The following TXNDC16 variants were observed in gnomAD, a reference collection of about 807,000 sequenced individuals.
TXNDC16 encodes the protein thioredoxin domain containing 16.
Under a neutral mutation model 85.6 loss-of-function variants are expected in TXNDC16, and 74 were observed. The observed-to-expected ratio is 0.86, with a 90% CI of 0.72 to 1.05. The LOEUF (loss-of-function observed/expected upper bound fraction) is 1.05, where lower values mean the gene tolerates loss of function less well. Among genes scored for constraint, TXNDC16 ranks in the 50% least tolerant of loss-of-function variants. The pLI is 0.00. For missense variants in TXNDC16, 959 were observed against 947.0 expected, an observed-to-expected ratio of 1.01 and a Z score of -0.17; for synonymous variants, 335 against 326.5, an observed-to-expected ratio of 1.03 and a Z score of -0.28.
At chr14:52,496,146 C>T (rs937926375) in intron 9 of TXNDC16, among the ~76,000 whole-genome samples, 20 of 148,154 alleles carry the variant, frequency 1.3e-4, no homozygotes, top group Admixed American at 2.7e-4. Flanking sequence ...GGTGACAGCA[C>T]GAGACTCCAT....
intron 17 of TXNDC16, 44 bp from the exon 18 acceptor site, chr14:52,455,506 A>G: frequency 6.2e-7 from 1 of 1,608,848 alleles, no homozygotes. Flanking sequence ...AAAATCTAGC[A>G]TGTCAAAAAC....
chr14:52,513,334 T>C (rs1010256234), intron 8 of TXNDC16, among the ~76,000 whole-genome samples: 1 of 152,146 alleles, frequency 6.6e-6, no homozygotes, highest in African/African-American at 2.4e-5. Context: ...AAGAATGTAT[T>C]CACCTCACTC....
At chr14:52,545,885 T>TG (rs2037931072) in intron 1 of TXNDC16, among the ~76,000 whole-genome samples, 1 of 151,738 alleles carries the variant, frequency 6.6e-6, no homozygotes, top group Admixed American at 6.6e-5. Context: ...GGAATGTGGG[T>TG]GGGGAAAAAG....
intron 9 of TXNDC16, among the ~76,000 whole-genome samples, chr14:52,502,230 A>T (rs1018508613): frequency 6.6e-6 from 1 of 152,196 alleles, no homozygotes; most frequent in African/African-American, 2.4e-5. Context: ...CCTGAATCCT[A>T]TATCCAAGTT....
intron 6 of TXNDC16, among the ~76,000 whole-genome samples, chr14:52,535,999 G>A (rs1394853323): frequency 1.3e-5 from 2 of 151,814 alleles, no homozygotes; most frequent in East Asian, 3.9e-4. Flanking sequence ...GCTCCAGCCT[G>A]GGAGACAAAG....
chr14:52,537,684 T>C lies in TXNDC16; in HGVS notation c.244-12A>G. ...TTGACACAATTAACCTTTAAAAGAG[T>C]ATACTTAAGTTTTAGCATATATATC... On this transcript the variant is annotated splice_polypyrimidine_tract_variant and intron_variant, in intron 4 of 20. Transcript: ENST00000281741. 6.7e-7 allele frequency: 1 copy of C among 1,503,364 alleles called. No individual in the cohort carries two copies. Among genetic ancestry groups the C allele is most frequent in the South Asian group, 1.1e-5 (1 of 88,344 alleles). 93.1% of individuals were successfully genotyped at this position (1,503,364 alleles called of 1,614,324 possible). A position where few individuals can be genotyped will look rare whatever the true frequency, so the allele number is the denominator to read the frequency against.
chr14:52,530,967 C>G (rs1459158522), intron 6 of TXNDC16, among the ~76,000 whole-genome samples: 1 of 151,554 alleles, frequency 6.6e-6, no homozygotes, highest in African/African-American at 2.4e-5. Flanking sequence ...GCACTGTTAC[C>G]CAAAATATAC....
chr14:52,450,038 C>G (rs2140110145), intron 18 of TXNDC16, among the ~76,000 whole-genome samples: 1 of 151,920 alleles, frequency 6.6e-6, no homozygotes, highest in South Asian at 2.1e-4. Flanking sequence ...ACTAGAAAAG[C>G]AAGAGCAAAC....
At chr14:52,447,399 C>A (rs2035310299) in intron 18 of TXNDC16, among the ~76,000 whole-genome samples, 2 of 152,162 alleles carry the variant, frequency 1.3e-5, no homozygotes, top group South Asian at 2.1e-4. Flanking sequence ...GATTTTAGAG[C>A]CCCAGGGCCT....
chr14:52,455,392 T>G lies in TXNDC16; in HGVS notation c.1774A>C (p.Ile592Leu), dbSNP rs2035508903. Reference sequence around the variant, plus strand: ...TGTGCATGTGTGCTAGCTAGTGGGATGCTCTCTATTTTGCCTTCTGTGTGT... The same window carrying G: ...TGTGCATGTGTGCTAGCTAGTGGGAGGCTCTCTATTTTGCCTTCTGTGTGT... ...ARHTEGKIES[I>L]PLASTHAQDI... is the part of the protein sequence containing the mutation. The change falls in exon 18 of 21, where the codon ATC (isoleucine) becomes CTC (leucine). Residue 592 changes from isoleucine (I) to leucine (L), a missense_variant. Transcript: ENST00000281741. 6.2e-7 allele frequency: 1 copy of G among 1,613,962 alleles called. No homozygotes were observed. The highest frequency in any genetic ancestry group is 1.7e-5 in the Admixed American group (1 of 59,982).
chr14:52,435,823 A>G (rs533436421), intron 20 of TXNDC16, among the ~76,000 whole-genome samples: 2 of 151,922 alleles, frequency 1.3e-5, no homozygotes, highest in Admixed American at 6.6e-5. Context: ...GACAAAAACA[A>G]AAAAATGAAG....
intron 18 of TXNDC16, among the ~76,000 whole-genome samples, chr14:52,442,721 T>G (rs2035195107): frequency 1.3e-5 from 2 of 152,106 alleles, no homozygotes; most frequent in African/African-American, 4.8e-5. Context: ...TTGAGTTAGA[T>G]CCCTCTCCTA....
intron 3 of TXNDC16, 37 bp from the exon 4 acceptor site, chr14:52,542,490 G>A: frequency 6.8e-7 from 1 of 1,469,176 alleles, no homozygotes; most frequent in South Asian, 1.2e-5. Flanking sequence ...TTTATGAATT[G>A]CCCCTTAAAA....
chr14:52,551,697 T>C (rs1594773053), intron 1 of TXNDC16, among the ~76,000 whole-genome samples: 1 of 152,036 alleles, frequency 6.6e-6, no homozygotes, highest in Admixed American at 6.5e-5. Context: ...CGGCCCAATA[T>C]ACGTTAGTCG....
At chr14:52,464,146 A>G (rs1322677490) in intron 16 of TXNDC16, among the ~76,000 whole-genome samples, 1 of 152,220 alleles carries the variant, frequency 6.6e-6, no homozygotes, top group Non-Finnish European at 1.5e-5. Context: ...TCTTATGTTG[A>G]TTCCCAATGT....
intron 4 of TXNDC16, among the ~76,000 whole-genome samples, chr14:52,542,166 A>T (rs1490385612): frequency 2.0e-5 from 3 of 152,210 alleles, no homozygotes; most frequent in African/African-American, 4.8e-5. Context: ...AAAATTTTTA[A>T]ACAGCTTTTT....
At chr14:52,496,827 T>C (rs1247761278) in intron 9 of TXNDC16, among the ~76,000 whole-genome samples, 5 of 151,932 alleles carry the variant, frequency 3.3e-5, no homozygotes, top group African/African-American at 1.2e-4. Flanking sequence ...CTCAGGCTGG[T>C]CTCAAACTCC....
chr14:52,451,991 T>C (rs2035423175), intron 18 of TXNDC16, among the ~76,000 whole-genome samples: 1 of 152,162 alleles, frequency 6.6e-6, no homozygotes, highest in African/African-American at 2.4e-5. Context: ...TCAGTAAAGT[T>C]GCAAGACAAA....
chr14:52,456,589 T>C (rs1044645906), intron 17 of TXNDC16, among the ~76,000 whole-genome samples: 17 of 152,122 alleles, frequency 1.1e-4, no homozygotes, highest in African/African-American at 3.6e-4. Context: ...TATGTATTAA[T>C]AATAATCTCC....
Sources: allele counts gnomAD v4.1 joint callset (sites outside exome capture counted in the v4.1 genomes callset), GRCh38; gene constraint gnomAD v4.1.1; transcripts MANE v1.5; gene names NCBI Gene and HGNC (gene_info 2026-07-23, HGNC 2026-07-21).